The following DNAH1 variants were observed in gnomAD, a reference collection of about 807,000 sequenced individuals.
DNAH1 encodes dynein axonemal heavy chain 1.
In DNAH1, 327 loss-of-function variants were observed where a neutral mutation model predicts 484.3. The observed-to-expected ratio is 0.68, with a 90% CI of 0.62 to 0.74. The LOEUF is 0.74. DNAH1 is among the 30% of genes least tolerant of loss of function. DNAH1 has a pLI of 0.00. For synonymous variants in DNAH1, 2,192 were observed against 2,191.9 expected (o/e 1.00, Z 0.00); for missense variants, 5,052 against 5,546.8 (o/e 0.91, Z 2.83).
upstream of DNAH1, among the ~76,000 whole-genome samples, chr3:52,311,545 C>T (rs1272067594): frequency 6.6e-6 from 1 of 152,160 alleles, no homozygotes; most frequent in Non-Finnish European, 1.5e-5. Context: ...GAAATGCCAG[C>T]AAAGCCCAGC....
chr3:52,383,799 C>G, intron 51 of DNAH1, 61 bp from the exon 52 acceptor site: 3 of 1,516,058 alleles, frequency 2.0e-6, no homozygotes. Context: ...GCCCTGGGTC[C>G]TGGGCTCCTG....
At position 52,361,721 on chromosome 3, in the gene DNAH1, G is replaced by A. The variant is rs752331032; in HGVS notation, c.4935G>A (p.Val1645=). 8.7e-6 allele frequency: 14 copies of A among 1,611,340 alleles called. No individual in the cohort carries two copies. Among genetic ancestry groups the A allele is most frequent in the African/African-American group, 1.3e-5 (1 of 75,016 alleles). Residue 1645 remains valine, a synonymous_variant, in exon 30 of 78, where the codon GTG becomes GTA. Transcript: ENST00000420323. This position sits in a 1 kb window ranked among gnomAD's most constrained non-coding sequence, Gnocchi z 5.6. ...FNRIDIEVLS[V]VAQQITTIQK... ...GCATCGACATCGAGGTGCTGTCTGTGGTGGCGCAGCAGATCACCACCATCC... is the reference window on the plus strand; with the variant it reads ...GCATCGACATCGAGGTGCTGTCTGTAGTGGCGCAGCAGATCACCACCATCC...
rs544089323 is a variant in DNAH1 at position 52,347,246 on chromosome 3, A to G, written c.1955+476A>G. Among the ~76,000 whole-genome samples the G allele has an allele frequency of 2.0e-5, 3 of 152,204 alleles. No individual in the cohort carries two copies. The East Asian group carries it at 5.8e-4, about 29-fold the overall frequency. ...GAGGTGGAGGCAGGTACAGGCGGAG[A>G]GATCAGCATGGGCAGAGGCACCGAG... On this transcript the variant is annotated intron_variant, in intron 11 of 77. Transcript: ENST00000420323.
chr3:52,351,222 C>T (rs574355488), intron 16 of DNAH1, among the ~76,000 whole-genome samples: 4 of 152,336 alleles, frequency 2.6e-5, no homozygotes, highest in South Asian at 4.1e-4. Context: ...CTTGGGAGCA[C>T]TGAGAGAGGC....
rs372675230 is a variant in DNAH1 at position 52,362,568 on chromosome 3, C to T, written c.5094+67C>T. 2.2e-6 allele frequency: 3 copies of T among 1,382,948 alleles called. No individual in the cohort carries two copies. Among genetic ancestry groups the T allele is most frequent in the African/African-American group, 1.4e-5 (1 of 70,198 alleles). The allele number at this position is 1,382,948 out of a possible 1,614,324, so 85.7% of individuals were successfully genotyped here. On this transcript the variant is annotated intron_variant, in intron 31 of 77. Coordinates refer to ENST00000420323, the MANE Select transcript of DNAH1 (RefSeq NM_015512.5). The surrounding 1 kb of genome is among the most constrained non-coding windows in gnomAD (Gnocchi z 5.1). ...TAGCCTGAGTTCAGAGATGCTAAGC[C>T]ACTTATGCAAGGACACAGTTGCTTG...
rs1348406896 is a variant in DNAH1 at position 52,356,793 on chromosome 3, G to A, written c.3858+15G>A. ...AGAACCGGGAGGCAAGCTCAATGAG[G>A]GTGGGAGGGGCAGCTGGGATCCCCA... On this transcript the variant is annotated intron_variant, in intron 22 of 77. Transcript: ENST00000420323. 17 of 1,586,820 alleles carry A rather than the reference G, an allele frequency of 1.1e-5. No individual in the cohort carries two copies. The East Asian group carries it at 1.8e-4, about 17-fold the overall frequency.
At chr3:52,397,668 G>A in intron 73 of DNAH1, 39 bp from the exon 74 acceptor site, 1 of 1,548,964 alleles carries the variant, frequency 6.5e-7, no homozygotes, top group Non-Finnish European at 8.7e-7. Flanking sequence ...CTGGGGCAGA[G>A]CAAGCCAGGG....
chr3:52,388,941 A>G lies in DNAH1; in HGVS notation c.9495+4A>G. ...GGCCTACCTGGGCCCCTTCACGGTA[A>G]GAAGTCCCCACCTCTGTCTCTGACC... On this transcript the variant is annotated splice_donor_region_variant and intron_variant, in intron 59 of 77. Coordinates refer to ENST00000420323, the MANE Select transcript of DNAH1 (RefSeq NM_015512.5). 6.3e-7 allele frequency: 1 copy of G among 1,591,360 alleles called. No homozygotes were observed. Among genetic ancestry groups the G allele is most frequent in the Non-Finnish European group, 8.6e-7 (1 of 1,166,154 alleles).
intron 48 of DNAH1, 98 bp downstream of exon 48, chr3:52,380,233 A>C: frequency 9.2e-7 from 1 of 1,086,370 alleles, no homozygotes; most frequent in Non-Finnish European, 1.3e-6. Flanking sequence ...ACAGACTACC[A>C]CACTATAACC....
chr3:52,398,787 G>A (rs963467459), intron 75 of DNAH1, 63 bp from the exon 76 acceptor site: 116 of 1,352,924 alleles, frequency 8.6e-5, no homozygotes, highest in South Asian at 3.5e-4. Flanking sequence ...CTTGAGCTGC[G>A]GAGCATAGCT....
At chr3:52,343,657 G>A (rs908652340) in intron 8 of DNAH1, among the ~76,000 whole-genome samples, 1 of 152,186 alleles carries the variant, frequency 6.6e-6, no homozygotes, top group Non-Finnish European at 1.5e-5. Context: ...AGGAAACTGA[G>A]ATTCCCTTGT....
At chr3:52,383,829 C>T (rs1430007889) in intron 51 of DNAH1, 31 bp from the exon 52 acceptor site, 3 of 1,564,232 alleles carry the variant, frequency 1.9e-6, no homozygotes, top group African/African-American at 1.4e-5. Context: ...GTCAGTGTCT[C>T]TGGACCTCAT....
At chr3:52,345,059 T>G (rs1173704373) in intron 9 of DNAH1, among the ~76,000 whole-genome samples, 1 of 152,210 alleles carries the variant, frequency 6.6e-6, no homozygotes, top group Admixed American at 6.5e-5. Flanking sequence ...CCAGCCTTCC[T>G]AGACTCAGCT....
Position 52,362,919 on chromosome 3 carries a change from A to T in DNAH1, c.5095-76A>T. On this transcript the variant is annotated intron_variant, in intron 31 of 77. Transcript: ENST00000420323. The surrounding 1 kb of genome is among the most constrained non-coding windows in gnomAD (Gnocchi z 5.1). ...AGCAGGGAGTCCCAGCGTGTTAGGG[A>T]GGAGGGCCGGATGAAGCTGGGGGTG... The T allele has an allele frequency of 1.9e-6, 3 of 1,593,496 alleles. No individual in the cohort carries two copies. Among genetic ancestry groups the T allele is most frequent in the Non-Finnish European group, 1.7e-6 (2 of 1,167,564 alleles).
chr3:52,324,737 GT>G (rs1313557585), intron 3 of DNAH1, among the ~76,000 whole-genome samples: 1 of 152,182 alleles, frequency 6.6e-6, no homozygotes, highest in African/African-American at 2.4e-5. Flanking sequence ...CCAGAAAATG[GT>G]TACTAACCGC....
intron 8 of DNAH1, among the ~76,000 whole-genome samples, chr3:52,344,155 C>T (rs1296783843): frequency 6.6e-6 from 1 of 152,182 alleles, no homozygotes; most frequent in Admixed American, 6.5e-5. Flanking sequence ...GAGGTGCAGG[C>T]TGTGAGTGGC....
At position 52,372,180 on chromosome 3, in the gene DNAH1, G is replaced by C; in HGVS notation, c.6667-47G>C. ...CATGGATGCAGGGGCAGCTCCTCCT[G>C]TGCACCAGGCCCACCGCATGCTCCT... On this transcript the variant is annotated intron_variant, in intron 42 of 77. Transcript: ENST00000420323. 1.9e-6 allele frequency: 3 copies of C among 1,611,514 alleles called. No homozygotes were observed. The South Asian group carries it at 3.3e-5, about 18-fold the overall frequency.
intron 8 of DNAH1, among the ~76,000 whole-genome samples, chr3:52,334,654 G>T (rs563999578): frequency 6.6e-6 from 1 of 151,980 alleles, no homozygotes; most frequent in African/African-American, 2.4e-5. Context: ...TTAGCTGAGC[G>T]TGGTGGCACA....
Position 52,369,971 on chromosome 3 carries a change from G to A in DNAH1, c.6090G>A (p.Leu2030=). 1 of 1,613,942 alleles carries A rather than the reference G, an allele frequency of 6.2e-7. No individual in the cohort carries two copies. The highest frequency in any genetic ancestry group is 8.5e-7 in the Non-Finnish European group (1 of 1,179,874). The change falls in exon 38 of 78, where the codon CTG becomes CTA. Residue 2030 remains leucine (L), a synonymous_variant. Transcript: ENST00000420323. ...ECWLRKLPPL[L]KPYEEHFKAL... ...GGCTGAGGAAGCTGCCTCCCTTGCT[G>A]AAGCCCTATGAGGAGCATTTCAAGG...
Sources: gnomAD v4.1 joint callset for allele counts (sites outside exome capture counted in the v4.1 genomes callset) on GRCh38, gnomAD v4.1.1 for gene constraint, Gnocchi (gnomAD v3.1) non-coding constraint, MANE v1.5 for transcripts, NCBI Gene and HGNC (gene_info 2026-07-23, HGNC 2026-07-21) for gene names.